Variants in LINGO2 observed in about 807,000 individuals in gnomAD.
The protein encoded by LINGO2 is leucine-rich repeat and immunoglobulin-like domain-containing nogo receptor-interacting protein 2.
LINGO2 carries 14 observed loss-of-function variants against 30.6 expected under a neutral mutation model. The observed-to-expected ratio is 0.46, with a 90% CI of 0.30 to 0.72. LINGO2 has a LOEUF of 0.72. Ranked by LOEUF, LINGO2 falls within the 30% of genes least tolerant of loss-of-function variation. LINGO2 has a pLI of 0.07. For synonymous variants in LINGO2, 317 were observed against 288.5 expected (o/e 1.10, Z -1.00); for missense variants, 729 against 751.7 (o/e 0.97, Z 0.35).
At chr9:28,477,111 G>GA (rs1825760090) in intron 1 of LINGO2, among the ~76,000 whole-genome samples, 1 of 151,962 alleles carries the variant, frequency 6.6e-6, no homozygotes, top group African/African-American at 2.4e-5. Flanking sequence ...CTATAATGAG[G>GA]AAAAAAATGC....
intron 1 of LINGO2, among the ~76,000 whole-genome samples, chr9:28,536,178 T>C (rs962389472): frequency 3.3e-5 from 5 of 152,130 alleles, no homozygotes; most frequent in Non-Finnish European, 7.3e-5. Context: ...AATAAAATAT[T>C]TTTAACTCTG....
chr9:28,499,017 G>A (rs1370120626), intron 1 of LINGO2, among the ~76,000 whole-genome samples: 1 of 152,054 alleles, frequency 6.6e-6, no homozygotes, highest in East Asian at 1.9e-4. Flanking sequence ...TTATGGGGAT[G>A]TAACCTATAT....
chr9:28,807,592 A>G, the LINGO2 span, among the ~76,000 whole-genome samples: 3 of 152,232 alleles, frequency 2.0e-5, no homozygotes, highest in Admixed American at 6.5e-5. Context: ...GCAAACTGGC[A>G]TGCATTTAAA....
intron 1 of LINGO2, among the ~76,000 whole-genome samples, chr9:28,602,281 CAT>C (rs1396134247): frequency 6.6e-6 from 1 of 151,938 alleles, no homozygotes; most frequent in Non-Finnish European, 1.5e-5. Context: ...GAATATACCC[CAT>C]GTTGCAGGAG....
intron 4 of LINGO2, among the ~76,000 whole-genome samples, chr9:28,184,029 C>G (rs1452852091): frequency 6.6e-6 from 1 of 152,208 alleles, no homozygotes; most frequent in Non-Finnish European, 1.5e-5. Flanking sequence ...CATTACTAAT[C>G]TTCTGCAATT....
At chr9:28,960,605 A>C in the LINGO2 span, among the ~76,000 whole-genome samples, 1 of 150,176 alleles carries the variant, frequency 6.7e-6, no homozygotes, top group East Asian at 1.9e-4. Context: ...GTGAGTGATA[A>C]GAAATATGTA....
At chr9:29,014,057 T>C in the LINGO2 span, among the ~76,000 whole-genome samples, 11 of 152,140 alleles carry the variant, frequency 7.2e-5, no homozygotes, top group Non-Finnish European at 1.6e-4. Context: ...TAAATACAAA[T>C]CCATTCATTT....
At chr9:28,811,038 A>G in the LINGO2 span, among the ~76,000 whole-genome samples, 33 of 152,152 alleles carry the variant, frequency 2.2e-4, no homozygotes, top group South Asian at 6.2e-4. Flanking sequence ...TAGAAATCTT[A>G]TAAGTATTTC....
At chr9:28,916,093 C>T in the LINGO2 span, among the ~76,000 whole-genome samples, 1 of 152,088 alleles carries the variant, frequency 6.6e-6, no homozygotes, top group African/African-American at 2.4e-5. Context: ...CCTTACACCC[C>T]ACTTCTCTTT....
intron 2 of LINGO2, among the ~76,000 whole-genome samples, chr9:28,403,348 G>A (rs1045098287): frequency 6.6e-6 from 1 of 152,174 alleles, no homozygotes; most frequent in African/African-American, 2.4e-5. Flanking sequence ...TCTACAGGAT[G>A]GCAGGGGTTG....
intron 5 of LINGO2, among the ~76,000 whole-genome samples, chr9:28,003,370 GATAGATAGATAGATAT>G (rs1216303898): frequency 2.7e-4 from 39 of 141,968 alleles, no homozygotes; most frequent in East Asian, 5.6e-4. Context: ...TAGATAGATA[GATAGATAGATAGATAT>G]AGAGAGAGAG....
chr9:28,306,012 T>C (rs2134230041), intron 3 of LINGO2, among the ~76,000 whole-genome samples: 2 of 152,244 alleles, frequency 1.3e-5, no homozygotes, highest in South Asian at 4.1e-4. Flanking sequence ...TAATTATATT[T>C]TGTTTGTGAG....
At chr9:28,818,219 AG>A in the LINGO2 span, among the ~76,000 whole-genome samples, 1 of 152,312 alleles carries the variant, frequency 6.6e-6, no homozygotes, top group Non-Finnish European at 1.5e-5. Context: ...TCAGAGTATT[AG>A]GTGCTAGTCT....
chr9:29,115,008 G>C, the LINGO2 span, among the ~76,000 whole-genome samples: 2 of 151,934 alleles, frequency 1.3e-5, no homozygotes, highest in Non-Finnish European at 2.9e-5. Flanking sequence ...CAAACTTTAT[G>C]AAGTTCTCAT....
At chr9:29,179,711 C>T in the LINGO2 span, among the ~76,000 whole-genome samples, 1 of 152,132 alleles carries the variant, frequency 6.6e-6, no homozygotes, top group African/African-American at 2.4e-5. Context: ...GGCCCATGAG[C>T]ACTTATTTCT....
rs1824892578 is a variant in LINGO2 at position 28,317,660 on chromosome 9, CA to C, written c.-245-22295del. ...ACAGAGTGTTAAAAAAAGATACTTT[CA>C]AAAGACGTTCATTCTATTTGCTTTC... On this transcript the variant is annotated intron_variant, in intron 3 of 5. Coordinates refer to ENST00000379992, the Ensembl canonical transcript of LINGO2. Among the ~76,000 whole-genome samples, 5 of 152,176 alleles carry C rather than the reference CA, an allele frequency of 3.3e-5. No homozygotes were observed. In the South Asian group the frequency reaches 1.0e-3, roughly 32 times the overall value.
chr9:28,912,198 A>C, the LINGO2 span, among the ~76,000 whole-genome samples: 2 of 152,148 alleles, frequency 1.3e-5, no homozygotes, highest in African/African-American at 4.8e-5. Context: ...ATAAAGCTAA[A>C]AGCCTATAAA....
the LINGO2 span, among the ~76,000 whole-genome samples, chr9:29,117,411 C>T: frequency 1.3e-5 from 2 of 152,168 alleles, no homozygotes; most frequent in Admixed American, 1.3e-4. Context: ...TCACTGAACA[C>T]ACCTTAAAAG....
the LINGO2 span, among the ~76,000 whole-genome samples, chr9:29,206,624 A>G: frequency 6.6e-6 from 1 of 152,156 alleles, no homozygotes; most frequent in Non-Finnish European, 1.5e-5. Flanking sequence ...GCCTGGTGAC[A>G]CAACTTTTGT....
Sources: gnomAD v4.1 joint callset for allele counts (sites outside exome capture counted in the v4.1 genomes callset) on GRCh38, gnomAD v4.1.1 for gene constraint, MANE v1.5 for transcripts, NCBI Gene and HGNC (gene_info 2026-07-23, HGNC 2026-07-21) for gene names.